The following VPS13B variants were observed in gnomAD, a reference collection of about 807,000 sequenced individuals.
VPS13B encodes the protein intermembrane lipid transfer protein VPS13B.
In VPS13B, 285 loss-of-function variants were observed where a neutral mutation model predicts 426.4. That is an observed-to-expected ratio of 0.67 (90% confidence interval 0.61 to 0.74). The LOEUF (loss-of-function observed/expected upper bound fraction) is 0.74. VPS13B is among the 30% of genes least tolerant of loss of function. The pLI is 0.00. For synonymous variants in VPS13B, 1,676 were observed against 1,676.4 expected, an observed-to-expected ratio of 1.00 and a Z score of 0.01; for missense variants, 4,537 against 4,782.6, an observed-to-expected ratio of 0.95 and a Z score of 1.51.
intron 3 of VPS13B, among the ~76,000 whole-genome samples, chr8:99,058,927 T>C (rs1844032235): frequency 6.6e-6 from 1 of 152,204 alleles, no homozygotes. Context: ...TTACTAGTAA[T>C]TAGATCTCAC....
At chr8:99,829,392 T>C (rs1379510564) in intron 51 of VPS13B, among the ~76,000 whole-genome samples, 2 of 152,238 alleles carry the variant, frequency 1.3e-5, no homozygotes, top group Non-Finnish European at 2.9e-5. Flanking sequence ...AATTCGGCTA[T>C]TGATACTTGT....
intron 34 of VPS13B, among the ~76,000 whole-genome samples, chr8:99,647,013 A>G (rs1468520880): frequency 6.6e-6 from 1 of 152,176 alleles, no homozygotes; most frequent in Non-Finnish European, 1.5e-5. Flanking sequence ...AAAATAGCCT[A>G]ACATAACACG....
chr8:99,411,096 A>T (rs2133357846), intron 21 of VPS13B, among the ~76,000 whole-genome samples: 1 of 152,250 alleles, frequency 6.6e-6, no homozygotes, highest in Admixed American at 6.5e-5. Context: ...GGATTGCTGG[A>T]TCAAATGGTA....
chr8:99,853,533 GCAT>G lies in VPS13B; in HGVS notation c.10147_10149del (p.Ser3383del). 1 of 1,614,170 alleles carries G rather than the reference GCAT, an allele frequency of 6.2e-7. No homozygotes were observed. The highest frequency in any genetic ancestry group is 8.5e-7 in the Non-Finnish European group (1 of 1,180,034). On this transcript the variant is annotated inframe_deletion, in exon 56 of 62. Transcript: ENST00000357162. ...GTTTGATGACCTCACCCACCACAAA[GCAT>G]CAGCTGAGCTTCTGAGACTCACACT...
At chr8:99,122,941 C>A (rs1848014419) in intron 8 of VPS13B, among the ~76,000 whole-genome samples, 2 of 151,330 alleles carry the variant, frequency 1.3e-5, no homozygotes. Context: ...GGAGAAACCC[C>A]ATCTCTACTA....
intron 16 of VPS13B, among the ~76,000 whole-genome samples, chr8:99,185,016 C>A (rs1813144649): frequency 6.6e-6 from 1 of 152,034 alleles, no homozygotes; most frequent in Non-Finnish European, 1.5e-5. Flanking sequence ...ATGGCAAAAG[C>A]TAATGGATGT....
At chr8:99,278,599 TCTAA>T (rs1819012387) in intron 19 of VPS13B, among the ~76,000 whole-genome samples, 1 of 152,228 alleles carries the variant, frequency 6.6e-6, no homozygotes, top group Non-Finnish European at 1.5e-5. Context: ...ACTTGGAACT[TCTAA>T]CTATACAACA....
chr8:99,295,783 C>T (rs1204154324), intron 19 of VPS13B, among the ~76,000 whole-genome samples: 2 of 152,076 alleles, frequency 1.3e-5, no homozygotes, highest in Non-Finnish European at 2.9e-5. Context: ...AATCCCAGCA[C>T]TTTGGAGGGG....
intron 5 of VPS13B, among the ~76,000 whole-genome samples, chr8:99,104,572 C>T (rs1846942711): frequency 6.7e-6 from 1 of 149,006 alleles, no homozygotes; most frequent in South Asian, 2.2e-4. Flanking sequence ...CCCCTCCCCT[C>T]TCCCTTTCAT....
intron 19 of VPS13B, among the ~76,000 whole-genome samples, chr8:99,318,253 T>C (rs1809779475): frequency 6.6e-6 from 1 of 152,198 alleles, no homozygotes; most frequent in South Asian, 2.1e-4. Flanking sequence ...CATACTGATA[T>C]TGAATAACAA....
intron 31 of VPS13B, among the ~76,000 whole-genome samples, chr8:99,570,929 T>C (rs1439006457): frequency 5.3e-5 from 8 of 152,316 alleles, no homozygotes; most frequent in African/African-American, 1.9e-4. Context: ...TAGAGCCACT[T>C]AATACATGTA....
chr8:99,324,775 A>G (rs1810154042), intron 19 of VPS13B, among the ~76,000 whole-genome samples: 1 of 152,182 alleles, frequency 6.6e-6, no homozygotes. Flanking sequence ...AAAGAAAAGA[A>G]CCAATTATTT....
At chr8:99,233,258 T>A in intron 17 of VPS13B, 1 of 1,203,014 alleles carries the variant, frequency 8.3e-7, no homozygotes, top group Non-Finnish European at 1.2e-6. Flanking sequence ...TCATTCACAG[T>A]CTTGCCACCT....
chr8:99,870,564 C>A (rs942296765), intron 59 of VPS13B, among the ~76,000 whole-genome samples: 1 of 152,142 alleles, frequency 6.6e-6, no homozygotes, highest in African/African-American at 2.4e-5. Flanking sequence ...TATGCTTGGA[C>A]TGTGTAACAC....
At chr8:99,684,822 G>C (rs944715294) in intron 35 of VPS13B, among the ~76,000 whole-genome samples, 1 of 151,842 alleles carries the variant, frequency 6.6e-6, no homozygotes, top group African/African-American at 2.4e-5. Context: ...TTTTTGTTTT[G>C]AGACAGAGTC....
intron 15 of VPS13B, among the ~76,000 whole-genome samples, chr8:99,168,627 G>A (rs908663566): frequency 6.6e-6 from 1 of 152,016 alleles, no homozygotes; most frequent in African/African-American, 2.4e-5. Context: ...AACCAACGCA[G>A]TACTTTGCAT....
intron 19 of VPS13B, among the ~76,000 whole-genome samples, chr8:99,308,448 C>T (rs960310240): frequency 2.6e-5 from 4 of 152,018 alleles, no homozygotes; most frequent in South Asian, 2.1e-4. Context: ...TTTGTCCTTG[C>T]GATAGTTTGC....
intron 17 of VPS13B, among the ~76,000 whole-genome samples, chr8:99,267,060 T>C (rs1038049419): frequency 6.6e-6 from 1 of 151,934 alleles, no homozygotes; most frequent in African/African-American, 2.4e-5. Flanking sequence ...GACAGGAAAA[T>C]GTGGGAAAGT....
intron 24 of VPS13B, among the ~76,000 whole-genome samples, chr8:99,471,061 A>AAT (rs1819378846): frequency 1.3e-5 from 2 of 152,114 alleles, no homozygotes; most frequent in African/African-American, 4.8e-5. Context: ...GATACCCCAC[A>AAT]GAAATGAAAG....
Sources: allele counts gnomAD v4.1 joint callset (sites outside exome capture counted in the v4.1 genomes callset), GRCh38; gene constraint gnomAD v4.1.1; transcripts MANE v1.5; gene names NCBI Gene and HGNC (gene_info 2026-07-23, HGNC 2026-07-21).